The following PTPRJ variants were observed in gnomAD, a reference collection of about 807,000 sequenced individuals.
PTPRJ encodes protein tyrosine phosphatase receptor type J.
A neutral mutation model predicts 141.3 loss-of-function variants in PTPRJ; 129 were observed. The observed-to-expected ratio is 0.91, with a 90% CI of 0.79 to 1.06. PTPRJ has a LOEUF of 1.06. Ranked by LOEUF, PTPRJ falls within the 50% of genes least tolerant of loss-of-function variation. The pLI is 0.00. For synonymous variants in PTPRJ, 610 were observed against 640.5 expected, an observed-to-expected ratio of 0.95 and a Z score of 0.72; for missense variants, 1,601 against 1,679.7, an observed-to-expected ratio of 0.95 and a Z score of 0.82.
chr11:48,054,077 T>C (rs1453902485), intron 1 of PTPRJ, among the ~76,000 whole-genome samples: 1 of 151,370 alleles, frequency 6.6e-6, no homozygotes, highest in Non-Finnish European at 1.5e-5. Flanking sequence ...GGATTACAGG[T>C]GCCTGCCACC....
At chr11:48,068,946 T>C (rs1855157945) in intron 1 of PTPRJ, among the ~76,000 whole-genome samples, 2 of 152,180 alleles carry the variant, frequency 1.3e-5, no homozygotes, top group Non-Finnish European at 2.9e-5. Context: ...GATACTCTTA[T>C]TTTTATGTTC....
At chr11:47,988,969 C>T (rs554958816) in intron 1 of PTPRJ, among the ~76,000 whole-genome samples, 59 of 146,830 alleles carry the variant, frequency 4.0e-4, no homozygotes, top group African/African-American at 1.4e-3. Context: ...CTGCAAGCTC[C>T]GCCTCCCAGG....
At chr11:48,054,092 C>A (rs1421463940) in intron 1 of PTPRJ, among the ~76,000 whole-genome samples, 1 of 151,908 alleles carries the variant, frequency 6.6e-6, no homozygotes, top group African/African-American at 2.4e-5. Flanking sequence ...GCCACCACGC[C>A]TGGCTAATTT....
At chr11:48,159,186 A>T (rs898655409) in intron 21 of PTPRJ, among the ~76,000 whole-genome samples, 3 of 127,486 alleles carry the variant, frequency 2.4e-5, no homozygotes, top group Non-Finnish European at 3.3e-5. Flanking sequence ...GGGTATTCAG[A>T]TATTCTTGGA....
intron 8 of PTPRJ, chr11:48,131,392 ATATTTATTTCTTTC>A: frequency 1.5e-6 from 1 of 667,002 alleles, no homozygotes; most frequent in Non-Finnish European, 2.8e-6. Flanking sequence ...CCACAAATAT[ATATTTATTTCTTTC>A]ACAAACATTG....
At chr11:48,040,992 C>T (rs949515007) in intron 1 of PTPRJ, among the ~76,000 whole-genome samples, 3 of 152,134 alleles carry the variant, frequency 2.0e-5, no homozygotes, top group African/African-American at 7.2e-5. Context: ...ACCTTTTAGG[C>T]TGGCTGCACC....
intron 8 of PTPRJ, chr11:48,132,517 C>G (rs987483954): frequency 1.0e-6 from 1 of 981,700 alleles, no homozygotes; most frequent in Admixed American, 6.1e-5. Flanking sequence ...GAAAAACATA[C>G]AGTCTTCCTT....
chr11:48,068,190 G>A (rs369050351), intron 1 of PTPRJ, among the ~76,000 whole-genome samples: 1 of 152,202 alleles, frequency 6.6e-6, no homozygotes, highest in African/African-American at 2.4e-5. Flanking sequence ...TTTAGGCAGC[G>A]GGAACACTGA....
chr11:48,148,171 A>G (rs1183535991), intron 15 of PTPRJ, among the ~76,000 whole-genome samples: 1 of 151,778 alleles, frequency 6.6e-6, no homozygotes, highest in African/African-American at 2.4e-5. Context: ...TTGGGGGGGG[A>G]AATGGATCAG....
chr11:48,167,146 G>C, intron 24 of PTPRJ, 58 bp from the exon 25 acceptor site: 1 of 1,506,426 alleles, frequency 6.6e-7, no homozygotes, highest in Non-Finnish European at 9.2e-7. Flanking sequence ...ATAATTTTGG[G>C]TGCTAATTTC....
chr11:48,018,388 G>C (rs1056148845), intron 1 of PTPRJ, among the ~76,000 whole-genome samples: 1 of 152,150 alleles, frequency 6.6e-6, no homozygotes, highest in Non-Finnish European at 1.5e-5. Context: ...GTTGGGGGCT[G>C]GGGGCAGTGG....
At chr11:48,137,818 A>G (rs978052676) in intron 10 of PTPRJ, among the ~76,000 whole-genome samples, 2 of 152,172 alleles carry the variant, frequency 1.3e-5, no homozygotes, top group African/African-American at 2.4e-5. Flanking sequence ...GATATCTGGC[A>G]TTGGTTTGTC....
chr11:48,081,528 G>A (rs1255198451), intron 1 of PTPRJ, among the ~76,000 whole-genome samples: 1 of 152,080 alleles, frequency 6.6e-6, no homozygotes, highest in Non-Finnish European at 1.5e-5. Context: ...TGCCCCTTTC[G>A]TCCTGAAATA....
intron 1 of PTPRJ, among the ~76,000 whole-genome samples, chr11:48,033,055 T>TAA (rs563339996): frequency 4.2e-5 from 6 of 143,550 alleles, no homozygotes; most frequent in Admixed American, 1.4e-4. Flanking sequence ...CCGTCTCTAT[T>TAA]AAAAAAAAAA....
At chr11:48,059,692 T>G (rs1338902339) in intron 1 of PTPRJ, among the ~76,000 whole-genome samples, 1 of 152,202 alleles carries the variant, frequency 6.6e-6, no homozygotes, top group Non-Finnish European at 1.5e-5. Flanking sequence ...TAGTGCACAC[T>G]TCCATAGGTC....
chr11:48,140,192 G>A (rs1019510340), intron 11 of PTPRJ, among the ~76,000 whole-genome samples: 5 of 152,054 alleles, frequency 3.3e-5, no homozygotes, highest in Admixed American at 6.6e-5. Flanking sequence ...ATGTCACCAC[G>A]CCTGGCTAAT....
chr11:48,152,698 G>T (rs1590563005), intron 18 of PTPRJ, among the ~76,000 whole-genome samples: 1 of 152,142 alleles, frequency 6.6e-6, no homozygotes, highest in Non-Finnish European at 1.5e-5. Context: ...TTTCCCCATT[G>T]CTTGTTTTTG....
intron 23 of PTPRJ, 33 bp downstream of exon 23, chr11:48,163,651 T>TCAAATGTCATTATATATTTATGAG: frequency 6.3e-7 from 1 of 1,582,702 alleles, no homozygotes; most frequent in Admixed American, 1.7e-5. Flanking sequence ...GTGACAGATT[T>TCAAATGTCATTATATATTTATGAG]CAAATGTCAT....
At chr11:48,005,476 C>T (rs532033270) in intron 1 of PTPRJ, among the ~76,000 whole-genome samples, 7 of 152,280 alleles carry the variant, frequency 4.6e-5, no homozygotes, top group Non-Finnish European at 7.4e-5. Context: ...CTGGCTATTT[C>T]GCCTAGCATA....
Sources: allele counts gnomAD v4.1 joint callset (sites outside exome capture counted in the v4.1 genomes callset), GRCh38; gene constraint gnomAD v4.1.1; transcripts MANE v1.5; gene names NCBI Gene and HGNC (gene_info 2026-07-23, HGNC 2026-07-21).